SIK3: variants seen among roughly 807,000 people sequenced by gnomAD.
The protein encoded by SIK3 is SIK family kinase 3, also known as serine/threonine-protein kinase SIK3.
A neutral mutation model predicts 144.2 loss-of-function variants in SIK3; 28 were observed. That is an observed-to-expected ratio of 0.19 (90% CI 0.14 to 0.27). The LOEUF (loss-of-function observed/expected upper bound fraction) is 0.27, where lower values mean the gene tolerates loss of function less well. SIK3 is among the 10% of genes least tolerant of loss of function. The pLI, the probability that SIK3 is intolerant of heterozygous loss-of-function variation, is 1.00. For missense variants in SIK3, 1,319 were observed against 1,776.0 expected (o/e 0.74, Z 4.62); for synonymous variants, 686 against 676.3 (o/e 1.01, Z -0.22).
chr11:116,890,293 A>T (rs1325737500), intron 6 of SIK3, among the ~76,000 whole-genome samples: 1 of 152,224 alleles, frequency 6.6e-6, no homozygotes. Flanking sequence ...GTGTTTGGCA[A>T]GTCTGAGAAA....
chr11:117,049,253 A>G (rs75890305), intron 1 of SIK3, among the ~76,000 whole-genome samples: 11,020 of 152,196 alleles, frequency 0.072, 486 homozygotes, highest in Middle Eastern at 0.11. Context: ...ATATTAGGGG[A>G]TAAATTCTAG....
At chr11:117,077,687 C>T (rs1327228708) in intron 1 of SIK3, among the ~76,000 whole-genome samples, 2 of 152,060 alleles carry the variant, frequency 1.3e-5, no homozygotes, top group East Asian at 3.8e-4. Context: ...GCCTAAAAAT[C>T]TCTCAGTTAA....
intron 1 of SIK3, among the ~76,000 whole-genome samples, chr11:117,002,666 C>T (rs74601470): frequency 0.032 from 4,895 of 152,144 alleles, 105 homozygotes; most frequent in Non-Finnish European, 0.036. Flanking sequence ...ACAATATTGG[C>T]TTCATAATAA....
chr11:117,029,956 A>C (rs1952183300), intron 1 of SIK3, among the ~76,000 whole-genome samples: 1 of 151,892 alleles, frequency 6.6e-6, no homozygotes, highest in Admixed American at 6.6e-5. Flanking sequence ...CTCAAAGAAG[A>C]ATATACATAG....
intron 21 of SIK3, among the ~76,000 whole-genome samples, chr11:116,856,725 G>C (rs1942956599): frequency 1.3e-5 from 2 of 152,188 alleles, no homozygotes; most frequent in African/African-American, 4.8e-5. Flanking sequence ...AGCGCATAAT[G>C]AGTACAACCT....
rs1336449233 is a variant in SIK3, at chr11:117,034,075, T to C, written c.273+64068A>G. On this transcript the variant is annotated intron_variant, in intron 1 of 24. Coordinates refer to ENST00000445177, the MANE Select transcript of SIK3 (RefSeq NM_001366686.3). ...ATCATTCTGGGGGAGAAAAAAACAGTAAGCACAAAAAGAAAGCCTAAGATT... is the reference window on the plus strand; with the variant it reads ...ATCATTCTGGGGGAGAAAAAAACAGCAAGCACAAAAAGAAAGCCTAAGATT... Among the ~76,000 whole-genome samples the C allele has an allele frequency of 3.3e-5, 5 of 152,082 alleles. No individual in the cohort carries two copies. In the East Asian group the frequency reaches 9.7e-4, roughly 29 times the overall value.
At chr11:117,048,755 C>G (rs1231485692) in intron 1 of SIK3, among the ~76,000 whole-genome samples, 3 of 152,072 alleles carry the variant, frequency 2.0e-5, no homozygotes, top group Non-Finnish European at 2.9e-5. Flanking sequence ...GAAAAAAATG[C>G]CAGGAACTTT....
chr11:117,017,870 T>A (rs1418547445), intron 1 of SIK3, among the ~76,000 whole-genome samples: 1 of 152,202 alleles, frequency 6.6e-6, no homozygotes, highest in African/African-American at 2.4e-5. Flanking sequence ...AAACACTTTA[T>A]GAATGGCAAA....
At chr11:116,989,060 T>C (rs1950415295) in intron 1 of SIK3, among the ~76,000 whole-genome samples, 1 of 151,886 alleles carries the variant, frequency 6.6e-6, no homozygotes, top group African/African-American at 2.4e-5. Context: ...CTGTATTTGG[T>C]GGTAATAATG....
intron 1 of SIK3, among the ~76,000 whole-genome samples, chr11:116,998,377 A>T (rs1187103835): frequency 6.6e-6 from 1 of 151,600 alleles, no homozygotes; most frequent in Non-Finnish European, 1.5e-5. Context: ...AGGCTGAGGC[A>T]GGAGAATCAC....
At chr11:116,915,740 T>C (rs1946600661) in intron 4 of SIK3, among the ~76,000 whole-genome samples, 1 of 152,206 alleles carries the variant, frequency 6.6e-6, no homozygotes, top group Non-Finnish European at 1.5e-5. Context: ...ATCATGAATT[T>C]GGTGAAGGTT....
chr11:116,958,373 G>T (rs529713830), intron 1 of SIK3, among the ~76,000 whole-genome samples: 1 of 152,194 alleles, frequency 6.6e-6, no homozygotes, highest in Non-Finnish European at 1.5e-5. Context: ...AAAGGCACAG[G>T]GAGATAAATT....
In SIK3 at chr11:117,023,617, AAAAAATAT is replaced by A. The variant is rs1398411364; in HGVS notation, c.274-66561_274-66554del. 4.5e-3 allele frequency among the ~76,000 whole-genome samples: 494 copies of A among 109,152 alleles called. 17 individuals are homozygous for A. The highest frequency in any genetic ancestry group is 0.021 in the African/African-American group (454 of 21,654). 71.6% of individuals were successfully genotyped at this position (109,152 alleles called of 152,430 possible). A position where few individuals can be genotyped will look rare whatever the true frequency, so the allele number is the denominator to read the frequency against. ...ACAAACAAACAAACAAACAAAAAAAAAAAAATATATATATATATATATATATATTGCAC... is the reference window on the plus strand; with the variant it reads ...ACAAACAAACAAACAAACAAAAAAAAATATATATATATATATATATTGCAC... On this transcript the variant is annotated intron_variant, in intron 1 of 24. Transcript: ENST00000445177.
At chr11:116,874,643 G>A (rs1565394295) in intron 11 of SIK3, among the ~76,000 whole-genome samples, 1 of 152,210 alleles carries the variant, frequency 6.6e-6, no homozygotes, top group Non-Finnish European at 1.5e-5. Context: ...CATAGGCTGA[G>A]AACAAGAGAC....
intron 21 of SIK3, among the ~76,000 whole-genome samples, chr11:116,853,617 C>T (rs1423316468): frequency 2.6e-5 from 4 of 152,226 alleles, no homozygotes; most frequent in Non-Finnish European, 5.9e-5. Flanking sequence ...GGAGCAATAA[C>T]GTGACTGCAT....
Position 116,853,821 on chromosome 11 carries a change from AGT to A in SIK3, c.3655+3987_3655+3988del, listed in dbSNP as rs1172756129. On this transcript the variant is annotated intron_variant, in intron 21 of 24. Transcript: ENST00000445177. The stretch of plus-strand genomic sequence containing the variant: ...TTTATTTGCAAAGTCAAAAAGATCA[AGT>A]GTGTGTACCACTATAGAAGAAAGAC... Among the ~76,000 whole-genome samples the A allele has an allele frequency of 3.3e-5, 5 of 152,322 alleles. No homozygotes were observed. The East Asian group carries it at 9.6e-4, about 29-fold the overall frequency.
At chr11:116,948,025 C>T (rs1565488884) in intron 3 of SIK3, among the ~76,000 whole-genome samples, 1 of 151,574 alleles carries the variant, frequency 6.6e-6, no homozygotes, top group African/African-American at 2.4e-5. Context: ...ACCTCCACCT[C>T]CTAGGCTCAG....
intron 1 of SIK3, among the ~76,000 whole-genome samples, chr11:117,039,252 C>G (rs1296901408): frequency 6.6e-6 from 1 of 152,000 alleles, no homozygotes; most frequent in African/African-American, 2.4e-5. Context: ...TTACAAACAC[C>G]GAAAATAAAG....
chr11:116,891,254 T>C (rs887356464), intron 6 of SIK3, among the ~76,000 whole-genome samples: 1 of 152,124 alleles, frequency 6.6e-6, no homozygotes, highest in Admixed American at 6.5e-5. Context: ...GAACTGGAGA[T>C]TGCAGGAAGC....
Sources: allele counts gnomAD v4.1 joint callset (sites outside exome capture counted in the v4.1 genomes callset), GRCh38; gene constraint gnomAD v4.1.1; transcripts MANE v1.5; gene names NCBI Gene and HGNC (gene_info 2026-07-23, HGNC 2026-07-21).